The following SLC30A8 variants were observed in gnomAD, a reference collection of about 807,000 sequenced individuals.
SLC30A8 encodes solute carrier family 30 member 8.
SLC30A8 carries 27 observed loss-of-function variants against 36.9 expected under a neutral mutation model. The ratio of observed to expected loss-of-function variants is 0.73; its 90% CI spans 0.54 to 1.01. The LOEUF (loss-of-function observed/expected upper bound fraction) is 1.01, where lower values mean the gene tolerates loss of function less well. Among genes scored for constraint, SLC30A8 ranks in the 50% least tolerant of loss-of-function variants. The probability of loss-of-function intolerance (pLI) is 0.00; values close to 1 mark genes in which losing one functional copy is unlikely to be tolerated. For synonymous variants in SLC30A8, 164 were observed against 172.4 expected, an observed-to-expected ratio of 0.95 and a Z score of 0.38; for missense variants, 439 against 452.0, an observed-to-expected ratio of 0.97 and a Z score of 0.26.
chr8:116,953,955 C>T (rs911148468), intron 1 of SLC30A8, among the ~76,000 whole-genome samples: 2 of 152,064 alleles, frequency 1.3e-5, no homozygotes, highest in Non-Finnish European at 2.9e-5. Context: ...AAGAATGAAT[C>T]TGAGGGGAGT....
chr8:117,015,565 G>A (rs986384505), intron 1 of SLC30A8, among the ~76,000 whole-genome samples: 2 of 152,050 alleles, frequency 1.3e-5, no homozygotes, highest in African/African-American at 4.8e-5. Context: ...AAGAGGGCGA[G>A]GGAGGGCTTT....
At chr8:117,034,443 T>C (rs1008315462) in intron 1 of SLC30A8, among the ~76,000 whole-genome samples, 1 of 152,196 alleles carries the variant, frequency 6.6e-6, no homozygotes, top group Non-Finnish European at 1.5e-5. Context: ...ATATAGTACT[T>C]AGTAAGTCGT....
chr8:117,143,121 A>T (rs1262919552), intron 1 of SLC30A8, among the ~76,000 whole-genome samples: 2 of 152,256 alleles, frequency 1.3e-5, no homozygotes, highest in East Asian at 3.9e-4. Flanking sequence ...TTTTACCAAC[A>T]TTATTTTGGA....
At chr8:117,078,226 G>T (rs1006403469) in intron 2 of SLC30A8, among the ~76,000 whole-genome samples, 1 of 152,144 alleles carries the variant, frequency 6.6e-6, no homozygotes, top group Non-Finnish European at 1.5e-5. Flanking sequence ...CTTTCTTAGA[G>T]GTCCCACAGT....
At chr8:117,118,102 T>C (rs1181259561) in intron 2 of SLC30A8, among the ~76,000 whole-genome samples, 1 of 151,292 alleles carries the variant, frequency 6.6e-6, no homozygotes, top group African/African-American at 2.4e-5. Flanking sequence ...CTTAAAGACT[T>C]AGCTGTTGCA....
At chr8:117,053,855 A>G (rs1056327233) in intron 2 of SLC30A8, among the ~76,000 whole-genome samples, 3 of 152,190 alleles carry the variant, frequency 2.0e-5, no homozygotes, top group African/African-American at 4.8e-5. Flanking sequence ...GATCCTTCCT[A>G]TAACTTAGAG....
chr8:116,997,480 G>C (rs1271191592), intron 1 of SLC30A8, among the ~76,000 whole-genome samples: 2 of 151,570 alleles, frequency 1.3e-5, no homozygotes, highest in East Asian at 1.9e-4. Context: ...TAATGATTTA[G>C]CTATTAGAAA....
chr8:116,950,355 C>CT (rs1430498690), upstream of SLC30A8: 2 of 152,750 alleles, frequency 1.3e-5, no homozygotes, highest in Non-Finnish European at 2.9e-5. Context: ...GAATCCTCTC[C>CT]TGAACCCTGT....
intron 1 of SLC30A8, among the ~76,000 whole-genome samples, chr8:116,967,607 G>C (rs1477681819): frequency 6.6e-6 from 1 of 152,130 alleles, no homozygotes; most frequent in Non-Finnish European, 1.5e-5. Flanking sequence ...GGTAATAAAT[G>C]GGTACCTGAA....
At chr8:117,142,416 C>A (rs985551308) in intron 1 of SLC30A8, among the ~76,000 whole-genome samples, 16 of 152,120 alleles carry the variant, frequency 1.1e-4, no homozygotes, top group Non-Finnish European at 2.2e-4. Context: ...AATGTTACTT[C>A]CCAGCTCAAA....
chr8:117,132,668 G>A (rs1821183709), upstream of SLC30A8, among the ~76,000 whole-genome samples: 1 of 152,010 alleles, frequency 6.6e-6, no homozygotes, highest in South Asian at 2.1e-4. Context: ...TTGGCCCTTG[G>A]TGGGCAGTTC....
At chr8:116,988,908 A>G (rs1815540327) in intron 1 of SLC30A8, among the ~76,000 whole-genome samples, 2 of 152,172 alleles carry the variant, frequency 1.3e-5, no homozygotes. Context: ...ATAGATTTTC[A>G]TTGTATTCCT....
chr8:117,105,710 A>G (rs915007112), intron 2 of SLC30A8, among the ~76,000 whole-genome samples: 2 of 152,124 alleles, frequency 1.3e-5, no homozygotes, highest in African/African-American at 4.8e-5. Context: ...GCCCACCCAC[A>G]TTATTGAGGA....
At chr8:117,004,076 A>C (rs1816096565) in intron 1 of SLC30A8, among the ~76,000 whole-genome samples, 1 of 152,182 alleles carries the variant, frequency 6.6e-6, no homozygotes, top group Non-Finnish European at 1.5e-5. Flanking sequence ...TCAGAATCTG[A>C]GCACTAACAA....
At chr8:117,027,831 G>A (rs1816918964) in intron 1 of SLC30A8, among the ~76,000 whole-genome samples, 1 of 152,124 alleles carries the variant, frequency 6.6e-6, no homozygotes, top group Non-Finnish European at 1.5e-5. Context: ...TTGGGAAAAA[G>A]GAGGGTCTTT....
intron 1 of SLC30A8, among the ~76,000 whole-genome samples, chr8:116,966,586 A>G (rs542166147): frequency 1.3e-5 from 2 of 152,344 alleles, no homozygotes; most frequent in African/African-American, 2.4e-5. Flanking sequence ...CACAATCACA[A>G]GCAGCCTCGC....
intron 2 of SLC30A8, among the ~76,000 whole-genome samples, chr8:117,062,115 T>A (rs1818037805): frequency 6.6e-6 from 1 of 152,122 alleles, no homozygotes; most frequent in South Asian, 2.1e-4. Flanking sequence ...CCACACAGGA[T>A]CCAGGGAGGT....
intron 1 of SLC30A8, 83 bp from the exon 2 acceptor site, chr8:117,146,871 G>T: frequency 1.3e-6 from 2 of 1,582,656 alleles, no homozygotes; most frequent in South Asian, 1.1e-5. Context: ...CCTAATAGCG[G>T]TTCCAAGTAT....
At chr8:117,172,406 G>A (rs1823427378) in intron 7 of SLC30A8, 130 bp from the exon 8 acceptor site, 3 of 1,126,154 alleles carry the variant, frequency 2.7e-6, no homozygotes, top group South Asian at 2.5e-5. Flanking sequence ...GAGCAAACGT[G>A]GCTTCCTCTG....
Sources: gnomAD v4.1 joint callset for allele counts (sites outside exome capture counted in the v4.1 genomes callset) on GRCh38, gnomAD v4.1.1 for gene constraint, MANE v1.5 for transcripts, NCBI Gene and HGNC (gene_info 2026-07-23, HGNC 2026-07-21) for gene names.